Variants in XPR1 observed in about 807,000 individuals in gnomAD.
XPR1 encodes the protein solute carrier family 53 member 1.
A neutral mutation model predicts 87.5 loss-of-function variants in XPR1; 28 were observed. That is an observed-to-expected ratio of 0.32 (90% CI 0.24 to 0.44). XPR1 has a LOEUF of 0.44. Ranked by LOEUF, XPR1 falls within the 20% of genes least tolerant of loss-of-function variation. The pLI is 1.00. For missense variants in XPR1, 559 were observed against 862.3 expected, an observed-to-expected ratio of 0.65 and a Z score of 4.41; for synonymous variants, 300 against 306.1, an observed-to-expected ratio of 0.98 and a Z score of 0.21.
chr1:180,875,833 A>G (rs12137673), intron 13 of XPR1, among the ~76,000 whole-genome samples: 47,659 of 151,924 alleles, frequency 0.31, 8,215 homozygotes, highest in Non-Finnish European at 0.38. Flanking sequence ...CTGATAAAGC[A>G]AAAAAGAAAA....
chr1:180,743,215 T>G (rs1238537435), intron 2 of XPR1, among the ~76,000 whole-genome samples: 1 of 138,406 alleles, frequency 7.2e-6, no homozygotes, highest in Non-Finnish European at 1.5e-5. Context: ...TCATTTTCCC[T>G]TTTTTTTTTG....
chr1:180,803,353 T>A, intron 3 of XPR1, 35 bp from the exon 4 acceptor site: 1 of 1,576,908 alleles, frequency 6.3e-7, no homozygotes, highest in Non-Finnish European at 8.6e-7. Context: ...CTTTTTTATC[T>A]TACTGATTTG....
chr1:180,646,179 C>G lies in XPR1; in HGVS notation c.69+13909C>G, dbSNP rs546115937. Reference sequence around the variant, plus strand: ...TTCATCCATTTGTCTAGTTACAGTGCAAGCCAAAAGAGGAACACATGCCAC... The same window carrying G: ...TTCATCCATTTGTCTAGTTACAGTGGAAGCCAAAAGAGGAACACATGCCAC... On this transcript the variant is annotated intron_variant, in intron 1 of 14. Transcript: ENST00000367590. Among the ~76,000 whole-genome samples, 282 of 152,318 alleles carry G rather than the reference C, an allele frequency of 1.9e-3. 1 individual carries two copies. Among genetic ancestry groups the G allele is most frequent in the African/African-American group, 5.8e-3 (239 of 41,560 alleles).
chr1:180,755,052 G>T (rs1297937258), intron 2 of XPR1, among the ~76,000 whole-genome samples: 1 of 152,178 alleles, frequency 6.6e-6, no homozygotes, highest in African/African-American at 2.4e-5. Context: ...GGAAGTTACC[G>T]ATATGGAGAA....
At chr1:180,648,306 A>G (rs1244423544) in intron 1 of XPR1, among the ~76,000 whole-genome samples, 4 of 152,182 alleles carry the variant, frequency 2.6e-5, no homozygotes. Flanking sequence ...TGTCTCTGCC[A>G]TTAAGTGGCA....
intron 6 of XPR1, among the ~76,000 whole-genome samples, chr1:180,810,846 C>T (rs1275981179): frequency 6.6e-6 from 1 of 151,294 alleles, no homozygotes; most frequent in Non-Finnish European, 1.5e-5. Flanking sequence ...TATATATAGT[C>T]GTTCCTTAGT....
rs374314804 is a variant in XPR1 at position 180,632,288 on chromosome 1, G to C, written c.69+18G>C. On this transcript the variant is annotated intron_variant, in intron 1 of 14. Transcript: ENST00000367590. ...AGTATGAGGTACCGGCACGGCTGGG[G>C]TGTGGGAGGACTCGGAGGGGCCACC... 406 of 1,608,214 alleles carry C rather than the reference G, an allele frequency of 2.5e-4. No homozygotes were observed. Among genetic ancestry groups the C allele is most frequent in the Non-Finnish European group, 3.1e-4 (362 of 1,177,176 alleles).
At chr1:180,856,301 G>A (rs1371416360) in intron 11 of XPR1, among the ~76,000 whole-genome samples, 1 of 151,400 alleles carries the variant, frequency 6.6e-6, no homozygotes, top group Non-Finnish European at 1.5e-5. Context: ...TGAGTCTTTG[G>A]TATTAAAAAA....
chr1:180,740,840 A>G (rs1164254215), intron 2 of XPR1, among the ~76,000 whole-genome samples: 1 of 152,166 alleles, frequency 6.6e-6, no homozygotes, highest in East Asian at 1.9e-4. Context: ...GCAGATTCCC[A>G]TGTCTGAAGG....
chr1:180,635,345 A>G lies in XPR1; in HGVS notation c.69+3075A>G, dbSNP rs370406246. 1.5e-4 allele frequency among the ~76,000 whole-genome samples: 23 copies of G among 152,320 alleles called. No homozygotes were observed. The South Asian group carries it at 2.1e-3, about 14-fold the overall frequency. On this transcript the variant is annotated intron_variant, in intron 1 of 14. Transcript: ENST00000367590. ...TGTAAGAGCTTTTTTAAAATTTAGA[A>G]TTAGTGACTATATATTTTAAAGCTC...
chr1:180,825,828 A>G (rs1257972643), intron 9 of XPR1, among the ~76,000 whole-genome samples: 2 of 152,224 alleles, frequency 1.3e-5, no homozygotes, highest in East Asian at 3.8e-4. Context: ...AGGCGGGTGG[A>G]TCATCTGAGG....
intron 2 of XPR1, among the ~76,000 whole-genome samples, chr1:180,725,675 A>C (rs142031167): frequency 6.6e-6 from 1 of 152,256 alleles, no homozygotes; most frequent in East Asian, 1.9e-4. Context: ...CCGAAGTCTC[A>C]TTGAACTTAC....
intron 11 of XPR1, among the ~76,000 whole-genome samples, chr1:180,861,589 T>G (rs1652223158): frequency 6.6e-6 from 1 of 152,164 alleles, no homozygotes; most frequent in Non-Finnish European, 1.5e-5. Flanking sequence ...AATTTGTTTT[T>G]AATGAAGAAA....
intron 2 of XPR1, among the ~76,000 whole-genome samples, chr1:180,720,276 G>A (rs1658137913): frequency 6.6e-6 from 1 of 152,098 alleles, no homozygotes; most frequent in African/African-American, 2.4e-5. Flanking sequence ...ATGAGGGATG[G>A]CAAATGTAAT....
chr1:180,823,726 G>A (rs1426503127), intron 7 of XPR1, among the ~76,000 whole-genome samples: 2 of 152,192 alleles, frequency 1.3e-5, no homozygotes, highest in African/African-American at 4.8e-5. Flanking sequence ...ATAGAATGTA[G>A]TGCTTAAGAG....
At chr1:180,676,236 A>G (rs1458063170) in intron 1 of XPR1, among the ~76,000 whole-genome samples, 3 of 152,198 alleles carry the variant, frequency 2.0e-5, no homozygotes, top group Admixed American at 2.0e-4. Context: ...TTTGAATTCA[A>G]TAACTATTTA....
chr1:180,797,427 GT>G (rs1649628549), intron 3 of XPR1, among the ~76,000 whole-genome samples: 1 of 152,164 alleles, frequency 6.6e-6, no homozygotes, highest in South Asian at 2.1e-4. Context: ...CGAGTAAGGA[GT>G]TTTCCAGATG....
intron 2 of XPR1, among the ~76,000 whole-genome samples, chr1:180,750,071 TGTCA>T (rs1231796172): frequency 2.0e-5 from 3 of 152,198 alleles, no homozygotes; most frequent in African/African-American, 4.8e-5. Flanking sequence ...TCATAGCACT[TGTCA>T]GTATTTCCTT....
At position 180,791,500 on chromosome 1, in the gene XPR1, C is replaced by T. The variant is rs553459433; in HGVS notation, c.223+3646C>T. Among the ~76,000 whole-genome samples the T allele has an allele frequency of 4.1e-4, 63 of 152,280 alleles. 1 individual carries two copies. In the Middle Eastern group the frequency reaches 0.01, roughly 25 times the overall value. ...CCATGTTGGCCAGGGTGGTCTCGAA[C>T]TCCTGACCTCAGGTGATTCACCCAC... On this transcript the variant is annotated intron_variant, in intron 3 of 14. Coordinates refer to ENST00000367590, the MANE Select transcript of XPR1 (RefSeq NM_004736.4).
Sources: allele counts gnomAD v4.1 joint callset (sites outside exome capture counted in the v4.1 genomes callset), GRCh38; gene constraint gnomAD v4.1.1; transcripts MANE v1.5; gene names NCBI Gene and HGNC (gene_info 2026-07-23, HGNC 2026-07-21).